Variants in SGCD observed in about 807,000 individuals in gnomAD.
The protein encoded by SGCD is delta-sarcoglycan.
SGCD carries 18 observed loss-of-function variants against 36.6 expected under a neutral mutation model. The observed-to-expected ratio is 0.49, with a 90% CI of 0.34 to 0.73. The LOEUF (loss-of-function observed/expected upper bound fraction) is 0.73. Among genes scored for constraint, SGCD ranks in the 30% least tolerant of loss-of-function variants. The pLI is 0.01. For missense variants in SGCD, 387 were observed against 346.7 expected, an observed-to-expected ratio of 1.12 and a Z score of -0.92; for synonymous variants, 133 against 130.6, an observed-to-expected ratio of 1.02 and a Z score of -0.12.
the SGCD span, among the ~76,000 whole-genome samples, chr5:155,825,848 A>G: frequency 6.6e-6 from 1 of 151,800 alleles, no homozygotes; most frequent in Non-Finnish European, 1.5e-5. Flanking sequence ...TTCTGGATTC[A>G]AGCAATTCTT....
At chr5:156,258,386 A>G (rs576646266) in intron 3 of SGCD, among the ~76,000 whole-genome samples, 1 of 152,344 alleles carries the variant, frequency 6.6e-6, no homozygotes, top group South Asian at 2.1e-4. Flanking sequence ...TGGGGTAAAA[A>G]TGAATTCAAA....
At chr5:156,211,897 G>T (rs1764451794) in intron 3 of SGCD, among the ~76,000 whole-genome samples, 1 of 152,094 alleles carries the variant, frequency 6.6e-6, no homozygotes, top group Non-Finnish European at 1.5e-5. Flanking sequence ...TTAAAGTGTA[G>T]AGTCTTGGTA....
At chr5:156,145,795 T>C (rs1345394676) in intron 3 of SGCD, among the ~76,000 whole-genome samples, 3 of 152,118 alleles carry the variant, frequency 2.0e-5, no homozygotes, top group Admixed American at 1.3e-4. Context: ...CTAAAGAGAA[T>C]GAAAGACAAT....
At chr5:156,372,197 A>G (rs1256816291) in intron 3 of SGCD, among the ~76,000 whole-genome samples, 1 of 152,222 alleles carries the variant, frequency 6.6e-6, no homozygotes, top group Non-Finnish European at 1.5e-5. Context: ...AAAGAGCAAA[A>G]TTAAAAAACA....
intron 3 of SGCD, among the ~76,000 whole-genome samples, chr5:156,383,346 A>G (rs912785859): frequency 3.3e-5 from 5 of 152,062 alleles, no homozygotes; most frequent in Non-Finnish European, 5.9e-5. Flanking sequence ...TCTACTAAAA[A>G]TACAAAAATT....
At chr5:155,911,344 A>G (rs1580986420) in intron 1 of SGCD, among the ~76,000 whole-genome samples, 1 of 149,746 alleles carries the variant, frequency 6.7e-6, no homozygotes, top group South Asian at 2.1e-4. Context: ...TATTTCCCCC[A>G]GAATAATTCT....
intron 5 of SGCD, 55 bp from the exon 6 acceptor site, chr5:156,594,877 C>T (rs944692018): frequency 3.0e-5 from 26 of 855,738 alleles, no homozygotes; most frequent in East Asian, 1.9e-4. Flanking sequence ...ATGGTGTTTT[C>T]TCTCTCTCTC....
chr5:156,200,104 C>T (rs879522664), intron 3 of SGCD, among the ~76,000 whole-genome samples: 7 of 152,042 alleles, frequency 4.6e-5, no homozygotes, highest in East Asian at 1.9e-4. Flanking sequence ...CAAAGTGATC[C>T]GTGGACTCAG....
intron 7 of SGCD, among the ~76,000 whole-genome samples, chr5:156,701,614 G>C (rs1754531874): frequency 6.6e-6 from 1 of 152,154 alleles, no homozygotes; most frequent in Non-Finnish European, 1.5e-5. Context: ...CAGAGGCAAA[G>C]AGACTAAGTG....
chr5:155,988,520 A>C (rs541940270), intron 1 of SGCD, among the ~76,000 whole-genome samples: 35 of 152,292 alleles, frequency 2.3e-4, no homozygotes, highest in Non-Finnish European at 3.8e-4. Context: ...AGACAGATAG[A>C]CAACTAATAG....
chr5:156,238,765 C>G (rs1765228779), intron 3 of SGCD, among the ~76,000 whole-genome samples: 1 of 152,116 alleles, frequency 6.6e-6, no homozygotes, highest in Non-Finnish European at 1.5e-5. Context: ...AAGGCTGGTG[C>G]TCAACTGTGG....
At chr5:156,655,474 A>G (rs1044583305) in intron 7 of SGCD, among the ~76,000 whole-genome samples, 4 of 152,118 alleles carry the variant, frequency 2.6e-5, no homozygotes, top group African/African-American at 4.8e-5. Context: ...CAGAGTTACT[A>G]TATTTACTGT....
chr5:156,139,143 A>G (rs1364264244), intron 3 of SGCD, among the ~76,000 whole-genome samples: 12 of 152,058 alleles, frequency 7.9e-5, no homozygotes, highest in Admixed American at 5.2e-4. Flanking sequence ...TTCATTTTTT[A>G]AATGTTGTCT....
intron 1 of SGCD, among the ~76,000 whole-genome samples, chr5:155,996,527 C>T (rs1277537823): frequency 1.3e-5 from 2 of 152,018 alleles, no homozygotes; most frequent in African/African-American, 4.8e-5. Context: ...CCTGTGATCC[C>T]AGCAGTTTGG....
intron 1 of SGCD, among the ~76,000 whole-genome samples, chr5:156,092,600 T>A (rs1039443152): frequency 6.6e-6 from 1 of 152,236 alleles, no homozygotes; most frequent in Non-Finnish European, 1.5e-5. Context: ...TCTACCCAAA[T>A]GCAATTACTT....
chr5:156,525,461 A>G (rs1444618081), intron 4 of SGCD, among the ~76,000 whole-genome samples: 1 of 151,766 alleles, frequency 6.6e-6, no homozygotes, highest in Non-Finnish European at 1.5e-5. Context: ...TTCTTTATAT[A>G]GTTTTATTAT....
chr5:155,799,558 A>AT, the SGCD span, among the ~76,000 whole-genome samples: 29 of 146,732 alleles, frequency 2.0e-4, no homozygotes, highest in South Asian at 6.5e-4. Context: ...TGCCCAGCTA[A>AT]TTTTTTTTTT....
chr5:156,584,889 T>C (rs993327410), intron 4 of SGCD, among the ~76,000 whole-genome samples: 6 of 152,204 alleles, frequency 3.9e-5, no homozygotes, highest in Non-Finnish European at 8.8e-5. Context: ...ACTCTCACTC[T>C]CTGTTGACTC....
intron 3 of SGCD, among the ~76,000 whole-genome samples, chr5:156,140,326 T>C (rs906854404): frequency 6.6e-6 from 1 of 152,076 alleles, no homozygotes; most frequent in African/African-American, 2.4e-5. Context: ...GTGCTTCTGG[T>C]AGGGGCTCAG....
Sources: gnomAD v4.1 joint callset for allele counts (sites outside exome capture counted in the v4.1 genomes callset) on GRCh38, gnomAD v4.1.1 for gene constraint, MANE v1.5 for transcripts, NCBI Gene and HGNC (gene_info 2026-07-23, HGNC 2026-07-21) for gene names.